Variants in FUT8 observed in about 807,000 individuals in gnomAD.
The protein encoded by FUT8 is fucosyltransferase 8.
In FUT8, 29 loss-of-function variants were observed where a neutral mutation model predicts 71.3. The ratio of observed to expected loss-of-function variants is 0.41; its 90% CI spans 0.30 to 0.55. The LOEUF (loss-of-function observed/expected upper bound fraction) is 0.55, where lower values mean the gene tolerates loss of function less well. Ranked by LOEUF, FUT8 falls within the 20% of genes least tolerant of loss-of-function variation. The pLI is 0.34. For missense variants in FUT8, 544 were observed against 702.1 expected (o/e 0.77, Z 2.55); for synonymous variants, 254 against 239.3 (o/e 1.06, Z -0.57).
At chr14:65,411,158 T>G (rs975541084), upstream of FUT8, 1 of 152,228 alleles carries the variant, frequency 6.6e-6, no homozygotes, top group Non-Finnish European at 1.5e-5. Context: ...AGAGCATCCA[T>G]GCATTTACAA....
the FUT8 span, among the ~76,000 whole-genome samples, chr14:65,390,441 ACTTTTC>A: frequency 1.2e-4 from 18 of 151,702 alleles, no homozygotes; most frequent in Non-Finnish European, 2.1e-4. Flanking sequence ...AGAGAGGTTC[ACTTTTC>A]CTTTTATGCC....
In FUT8 at chr14:65,616,144, A is replaced by G. The variant is rs771398830; in HGVS notation, c.319+51A>G. On this transcript the variant is annotated intron_variant, in intron 4 of 10. Coordinates refer to ENST00000673929, the MANE Select transcript of FUT8 (RefSeq NM_001371533.1). ...CTCCTCAGTATATGGGCTTTAGCAC[A>G]GATAATTGAAAGTTTCCTTTTATCA... is the stretch of plus-strand genomic sequence containing the variant. 3.8e-6 allele frequency: 6 copies of G among 1,593,960 alleles called. No homozygotes were observed. The African/African-American group carries it at 5.4e-5, about 14-fold the overall frequency.
intron 10 of FUT8, among the ~76,000 whole-genome samples, chr14:65,733,817 A>C (rs1177967890): frequency 6.6e-6 from 1 of 152,178 alleles, no homozygotes; most frequent in Non-Finnish European, 1.5e-5. Flanking sequence ...TGCTTTATAG[A>C]AAAGAGAGTA....
intron 7 of FUT8, among the ~76,000 whole-genome samples, chr14:65,713,270 G>A (rs1019938074): frequency 6.6e-6 from 1 of 152,136 alleles, no homozygotes; most frequent in African/African-American, 2.4e-5. Flanking sequence ...GTACTACATT[G>A]TGTATATTTA....
At chr14:65,491,609 T>TA in intron 2 of FUT8, among the ~76,000 whole-genome samples, 1 of 152,244 alleles carries the variant, frequency 6.6e-6, no homozygotes, top group Admixed American at 6.5e-5. Context: ...ACTATATTTA[T>TA]AAAATCACAT....
At chr14:65,540,551 A>AG (rs1884616290) in intron 2 of FUT8, among the ~76,000 whole-genome samples, 1 of 152,216 alleles carries the variant, frequency 6.6e-6, no homozygotes, top group African/African-American at 2.4e-5. Context: ...TGGGTCCCTG[A>AG]GGACTTTGTG....
chr14:65,636,761 A>G (rs911205985), intron 6 of FUT8: 4 of 152,288 alleles, frequency 2.6e-5, no homozygotes, highest in East Asian at 1.9e-4. Context: ...TTTACTTGAG[A>G]GGAGCAATTT....
At chr14:65,387,039 A>G in the FUT8 span, among the ~76,000 whole-genome samples, 1 of 151,944 alleles carries the variant, frequency 6.6e-6, no homozygotes, top group African/African-American at 2.4e-5. Flanking sequence ...ACAGGGTTTC[A>G]CCATGTTGGT....
chr14:65,387,456 C>T, the FUT8 span, among the ~76,000 whole-genome samples: 2 of 152,292 alleles, frequency 1.3e-5, no homozygotes, highest in South Asian at 2.1e-4. Context: ...CTGACAGATA[C>T]GCAGCTGAAG....
chr14:65,667,165 C>G (rs976865273), intron 6 of FUT8, among the ~76,000 whole-genome samples: 1 of 152,056 alleles, frequency 6.6e-6, no homozygotes, highest in African/African-American at 2.4e-5. Flanking sequence ...AAAGTCCTAG[C>G]CAGAGCAGAC....
intron 1 of FUT8, among the ~76,000 whole-genome samples, chr14:65,436,630 A>G (rs189465833): frequency 1.9e-4 from 1 of 5,302 alleles, no homozygotes; most frequent in Non-Finnish European, 5.8e-4. Context: ...CTCCCTCTCA[A>G]AAAAAAAAAA....
At chr14:65,611,237 A>G (rs1888936956) in intron 3 of FUT8, among the ~76,000 whole-genome samples, 1 of 4,816 alleles carries the variant, frequency 2.1e-4, no homozygotes, top group East Asian at 4.4e-3. Flanking sequence ...ACACACACAC[A>G]CACACACACA....
chr14:65,514,883 A>G (rs1464194109), intron 2 of FUT8, among the ~76,000 whole-genome samples: 1 of 152,106 alleles, frequency 6.6e-6, no homozygotes, highest in Non-Finnish European at 1.5e-5. Context: ...TTACAAATTG[A>G]TGGTGAGAAT....
intron 3 of FUT8, among the ~76,000 whole-genome samples, chr14:65,580,609 G>T (rs993384780): frequency 6.6e-6 from 1 of 151,908 alleles, no homozygotes; most frequent in South Asian, 2.1e-4. Context: ...GATTGTTTTT[G>T]ATAGGTATTG....
intron 1 of FUT8, among the ~76,000 whole-genome samples, chr14:65,423,263 C>CTTTT (rs1180861343): frequency 8.4e-6 from 1 of 119,486 alleles, no homozygotes; most frequent in Admixed American, 8.4e-5. Context: ...GATTTTCTTT[C>CTTTT]TTTTTTTTTT....
chr14:65,540,245 T>C (rs1884595118), intron 2 of FUT8, among the ~76,000 whole-genome samples: 1 of 152,116 alleles, frequency 6.6e-6, no homozygotes, highest in Non-Finnish European at 1.5e-5. Context: ...TCTATAGTAA[T>C]AGAACCCTGA....
chr14:65,692,299 G>T (rs1893662400), intron 7 of FUT8, among the ~76,000 whole-genome samples: 1 of 150,508 alleles, frequency 6.6e-6, no homozygotes, highest in African/African-American at 2.4e-5. Context: ...TTCCCAGTAG[G>T]GGCGGCCAGG....
intron 6 of FUT8, among the ~76,000 whole-genome samples, chr14:65,657,680 G>A (rs987693823): frequency 6.6e-6 from 1 of 152,100 alleles, no homozygotes; most frequent in South Asian, 2.1e-4. Context: ...AGGCTGGGAA[G>A]GGTAGTTGTG....
At chr14:65,553,868 C>T (rs1208443606) in intron 2 of FUT8, among the ~76,000 whole-genome samples, 1 of 151,312 alleles carries the variant, frequency 6.6e-6, no homozygotes, top group Non-Finnish European at 1.5e-5. Context: ...TGTTTTTTAG[C>T]AGCTTTTTGT....
Sources: allele counts gnomAD v4.1 joint callset (sites outside exome capture counted in the v4.1 genomes callset), GRCh38; gene constraint gnomAD v4.1.1; transcripts MANE v1.5; gene names NCBI Gene and HGNC (gene_info 2026-07-23, HGNC 2026-07-21).